PEAK1: variants seen among roughly 807,000 people sequenced by gnomAD.
The protein encoded by PEAK1 is pseudopodium enriched atypical kinase 1.
A neutral mutation model predicts 124.7 loss-of-function variants in PEAK1; 54 were observed. That is an observed-to-expected ratio of 0.43 (90% CI 0.35 to 0.54). The LOEUF (loss-of-function observed/expected upper bound fraction) is 0.54, where lower values mean the gene tolerates loss of function less well. Among genes scored for constraint, PEAK1 ranks in the 20% least tolerant of loss-of-function variants. The probability of loss-of-function intolerance (pLI) is 0.01; values close to 1 mark genes in which losing one functional copy is unlikely to be tolerated. For synonymous variants in PEAK1, 719 were observed against 760.0 expected (o/e 0.95, Z 0.89); for missense variants, 2,046 against 2,134.5 (o/e 0.96, Z 0.82).
intron 8 of PEAK1, among the ~76,000 whole-genome samples, chr15:77,154,848 G>C (rs1430220646): frequency 1.3e-5 from 2 of 152,044 alleles, no homozygotes; most frequent in African/African-American, 4.8e-5. Context: ...TTTCTGCCAA[G>C]AGATCAGCTG....
chr15:77,180,654 C>T lies in PEAK1; in HGVS notation c.1273G>A (p.Asp425Asn), dbSNP rs776365070. The change falls in exon 7 of 10, where the codon GAT becomes AAT. Residue 425 changes from aspartate (D) to asparagine (N), a missense_variant. Asp to Asn is a conservative substitution (Grantham distance 23). Coordinates refer to ENST00000682557, the MANE Select transcript of PEAK1 (RefSeq NM_001385026.1). ...TCAGTTTGTACAGCAATCTTGCCATCTTTCTCTTCTAATCGGAGAGCAAGG... is the reference window on the plus strand; with the variant it reads ...TCAGTTTGTACAGCAATCTTGCCATTTTTCTCTTCTAATCGGAGAGCAAGG... ...AVLALRLEEK[D>N]GKIAVQTEKE... 6.2e-6 allele frequency: 10 copies of T among 1,614,072 alleles called. No individual in the cohort carries two copies. The Admixed American group carries it at 6.7e-5, about 11-fold the overall frequency.
intron 9 of PEAK1, among the ~76,000 whole-genome samples, chr15:77,125,522 C>T (rs1331912277): frequency 2.6e-5 from 4 of 151,716 alleles, no homozygotes; most frequent in Admixed American, 6.6e-5. Context: ...GTATATATAT[C>T]ACCACATACA....
intron 6 of PEAK1, among the ~76,000 whole-genome samples, chr15:77,236,945 C>A (rs2060151669): frequency 6.6e-6 from 1 of 152,146 alleles, no homozygotes; most frequent in African/African-American, 2.4e-5. Flanking sequence ...TTCCCCTTCG[C>A]CTTCTGCCAT....
At chr15:77,328,884 T>C (rs1380129950) in intron 2 of PEAK1, among the ~76,000 whole-genome samples, 1 of 152,112 alleles carries the variant, frequency 6.6e-6, no homozygotes, top group Non-Finnish European at 1.5e-5. Flanking sequence ...AAAATCTACA[T>C]GCCAATTAGG....
At chr15:77,260,516 A>G (rs1214048737) in intron 5 of PEAK1, among the ~76,000 whole-genome samples, 2 of 152,192 alleles carry the variant, frequency 1.3e-5, no homozygotes, top group East Asian at 3.8e-4. Context: ...CTATATTCAA[A>G]GACATAAATG....
At chr15:77,407,400 C>T (rs1466783017) in intron 1 of PEAK1, among the ~76,000 whole-genome samples, 1 of 152,056 alleles carries the variant, frequency 6.6e-6, no homozygotes, top group African/African-American at 2.4e-5. Context: ...CCAGAATCTA[C>T]ATGGAACTCA....
At chr15:77,226,751 A>G (rs1484946027) in intron 6 of PEAK1, among the ~76,000 whole-genome samples, 2 of 152,148 alleles carry the variant, frequency 1.3e-5, no homozygotes, top group Admixed American at 6.6e-5. Flanking sequence ...TGCTACCAGA[A>G]TAACAATAGT....
intron 5 of PEAK1, among the ~76,000 whole-genome samples, chr15:77,267,149 T>C (rs761813714): frequency 6.6e-6 from 1 of 152,012 alleles, no homozygotes; most frequent in Non-Finnish European, 1.5e-5. Context: ...ACTGGGAACA[T>C]AATCTTCCTG....
At chr15:77,275,211 A>G (rs1419300798) in intron 5 of PEAK1, among the ~76,000 whole-genome samples, 4 of 152,222 alleles carry the variant, frequency 2.6e-5, no homozygotes, top group African/African-American at 9.6e-5. Flanking sequence ...CATTGGGTAC[A>G]GCGTGTACTT....
chr15:77,386,487 ACAAT>A (rs2069952200), intron 1 of PEAK1, among the ~76,000 whole-genome samples: 2 of 152,194 alleles, frequency 1.3e-5, no homozygotes, highest in South Asian at 4.1e-4. Flanking sequence ...TCACTTAATT[ACAAT>A]CAGAGGGAAA....
At chr15:77,261,743 C>A (rs1567181390) in intron 5 of PEAK1, among the ~76,000 whole-genome samples, 1 of 152,018 alleles carries the variant, frequency 6.6e-6, no homozygotes, top group South Asian at 2.1e-4. Flanking sequence ...CATTCAGATT[C>A]GGGAAATACA....
chr15:77,171,946 T>A (rs2056542123), intron 7 of PEAK1, among the ~76,000 whole-genome samples: 2 of 152,208 alleles, frequency 1.3e-5, no homozygotes, highest in Non-Finnish European at 2.9e-5. Context: ...TGCTTCTGCA[T>A]TCAATCTGCT....
chr15:77,209,673 G>GA (rs1179193981), intron 6 of PEAK1, among the ~76,000 whole-genome samples: 1 of 152,178 alleles, frequency 6.6e-6, no homozygotes, highest in East Asian at 1.9e-4. Context: ...TCCTTTCTGT[G>GA]AGATGCTGAG....
chr15:77,333,500 A>G, intron 2 of PEAK1: 1 of 874,612 alleles, frequency 1.1e-6, no homozygotes, highest in Non-Finnish European at 1.4e-6. Flanking sequence ...TAAACATTAA[A>G]AATAGAAAAT....
chr15:77,278,721 C>T, intron 5 of PEAK1: 2 of 504,116 alleles, frequency 4.0e-6, no homozygotes, highest in Non-Finnish European at 7.8e-6. Flanking sequence ...GGTGAGGGTG[C>T]TGGAGATGCC....
At chr15:77,337,534 AG>A in intron 2 of PEAK1, 5 of 985,144 alleles carry the variant, frequency 5.1e-6, no homozygotes, top group Non-Finnish European at 6.0e-6. Flanking sequence ...ACCAAACAGA[AG>A]ATAAGATGTA....
intron 6 of PEAK1, among the ~76,000 whole-genome samples, chr15:77,186,032 T>C (rs988523365): frequency 1.3e-5 from 2 of 152,218 alleles, no homozygotes; most frequent in Admixed American, 6.5e-5. Context: ...TAGATGTTTT[T>C]TTCTTTTGTT....
At chr15:77,414,025 G>A (rs910480771) in intron 1 of PEAK1, among the ~76,000 whole-genome samples, 1 of 151,904 alleles carries the variant, frequency 6.6e-6, no homozygotes, top group Non-Finnish European at 1.5e-5. Context: ...GCCTCCCTAT[G>A]TCGCCTAGGC....
chr15:77,141,058 A>G (rs754068769), intron 8 of PEAK1, among the ~76,000 whole-genome samples: 1 of 152,208 alleles, frequency 6.6e-6, no homozygotes, highest in Non-Finnish European at 1.5e-5. Context: ...GGAAAGAAAA[A>G]GAGATAAAGA....
Sources: gnomAD v4.1 joint callset for allele counts (sites outside exome capture counted in the v4.1 genomes callset) on GRCh38, gnomAD v4.1.1 for gene constraint, MANE v1.5 for transcripts, NCBI Gene and HGNC (gene_info 2026-07-23, HGNC 2026-07-21) for gene names.